IFT74: variants seen among roughly 807,000 people sequenced by gnomAD.
The protein encoded by IFT74 is intraflagellar transport protein 74 homolog.
Under a neutral mutation model 96.7 loss-of-function variants are expected in IFT74, and 92 were observed. The ratio of observed to expected loss-of-function variants is 0.95; its 90% CI spans 0.80 to 1.13. The LOEUF (loss-of-function observed/expected upper bound fraction) is 1.13, where lower values mean the gene tolerates loss of function less well. IFT74 is among the 50% of genes most tolerant of loss of function. IFT74 has a pLI of 0.00. For synonymous variants in IFT74, 223 were observed against 213.2 expected, an observed-to-expected ratio of 1.05 and a Z score of -0.40; for missense variants, 811 against 698.2, an observed-to-expected ratio of 1.16 and a Z score of -1.82.
chr9:26,982,258 C>T (rs999208220), intron 4 of IFT74: 2 of 310,668 alleles, frequency 6.4e-6, no homozygotes, highest in African/African-American at 3.1e-5. Context: ...TTAATTAATT[C>T]ATAAGCTTTT....
intron 1 of IFT74, among the ~76,000 whole-genome samples, chr9:26,958,889 G>T (rs907451023): frequency 6.6e-6 from 1 of 152,106 alleles, no homozygotes; most frequent in Non-Finnish European, 1.5e-5. Flanking sequence ...TCTATATAAG[G>T]ACAGATCAAG....
At chr9:26,970,745 C>T (rs1458690597) in intron 2 of IFT74, among the ~76,000 whole-genome samples, 1 of 152,232 alleles carries the variant, frequency 6.6e-6, no homozygotes, top group South Asian at 2.1e-4. Context: ...CCAACACATT[C>T]TCTAGAATTA....
At chr9:27,023,343 A>G (rs1433985367) in intron 12 of IFT74, among the ~76,000 whole-genome samples, 1 of 152,088 alleles carries the variant, frequency 6.6e-6, no homozygotes, top group East Asian at 1.9e-4. Context: ...TTCTGTGCTG[A>G]TTTTGCTGAG....
intron 1 of IFT74, among the ~76,000 whole-genome samples, chr9:26,958,420 G>A (rs1183790236): frequency 2.6e-5 from 4 of 152,222 alleles, no homozygotes; most frequent in Non-Finnish European, 5.9e-5. Flanking sequence ...GACCACTTAA[G>A]AGGCTGGTAT....
At chr9:27,034,888 G>C (rs1819097391) in intron 13 of IFT74, among the ~76,000 whole-genome samples, 1 of 152,170 alleles carries the variant, frequency 6.6e-6, no homozygotes, top group South Asian at 2.1e-4. Flanking sequence ...TCAAATCCAG[G>C]CTGTGCTGTT....
intron 10 of IFT74, among the ~76,000 whole-genome samples, chr9:27,014,887 G>A (rs904248578): frequency 6.6e-6 from 1 of 152,342 alleles, no homozygotes; most frequent in South Asian, 2.1e-4. Flanking sequence ...GATTACAGGC[G>A]TGAGCTATCA....
At chr9:26,993,431 G>A (rs554673380) in intron 8 of IFT74, 1 of 152,524 alleles carries the variant, frequency 6.6e-6, no homozygotes, top group African/African-American at 2.4e-5. Flanking sequence ...TATATCCTTT[G>A]TTGAAAACAT....
chr9:26,980,861 A>T (rs1415554986), intron 4 of IFT74, among the ~76,000 whole-genome samples: 1 of 152,240 alleles, frequency 6.6e-6, no homozygotes, highest in Non-Finnish European at 1.5e-5. Flanking sequence ...ATTTGCATGT[A>T]CATGAGCTAT....
rs1829740372 is a variant in IFT74 at position 27,024,097 on chromosome 9, C to T, written c.975-4928C>T. 2.0e-5 allele frequency among the ~76,000 whole-genome samples: 3 copies of T among 152,314 alleles called. No homozygotes were observed. The South Asian group carries it at 6.2e-4, about 32-fold the overall frequency. On this transcript the variant is annotated intron_variant, in intron 12 of 19. Coordinates refer to ENST00000380062, the MANE Select transcript of IFT74 (RefSeq NM_025103.4). ...AGCAATTCATAACAGAACAATCCTG[C>T]TCCAAGGGAAGGAGAAAACAACAGC...
intron 13 of IFT74, among the ~76,000 whole-genome samples, chr9:27,040,985 G>A (rs1166237963): frequency 6.6e-6 from 1 of 152,140 alleles, no homozygotes; most frequent in East Asian, 1.9e-4. Flanking sequence ...TATTGGCAGT[G>A]CAAGAAGAGC....
intron 1 of IFT74, among the ~76,000 whole-genome samples, chr9:26,949,699 C>G (rs1375012654): frequency 6.6e-6 from 1 of 152,074 alleles, no homozygotes; most frequent in Non-Finnish European, 1.5e-5. Flanking sequence ...AATCCACCTC[C>G]AAGAATGTAG....
Position 26,977,098 on chromosome 9 carries a change from A to G in IFT74, c.121-1030A>G, listed in dbSNP as rs544345917. 1.6e-4 allele frequency among the ~76,000 whole-genome samples: 25 copies of G among 152,326 alleles called. No individual in the cohort carries two copies. The South Asian group carries it at 3.9e-3, about 24-fold the overall frequency. On this transcript the variant is annotated intron_variant, in intron 2 of 19. Transcript: ENST00000380062. ...ATCAACTATAATATCATTATCGATCATCATTACTATTTTTTCACATAGTTT... is the reference window on the plus strand; with the variant it reads ...ATCAACTATAATATCATTATCGATCGTCATTACTATTTTTTCACATAGTTT...
intron 1 of IFT74, chr9:26,947,273 C>T (rs1040074408): frequency 1.8e-6 from 1 of 542,764 alleles, no homozygotes; most frequent in Admixed American, 3.8e-5. Flanking sequence ...TCATCGGCCT[C>T]AGCCCTCCAT....
At chr9:26,975,015 G>A (rs1827048066) in intron 2 of IFT74, among the ~76,000 whole-genome samples, 1 of 152,116 alleles carries the variant, frequency 6.6e-6, no homozygotes, top group African/African-American at 2.4e-5. Context: ...GTCCTTTCAG[G>A]GAGGGGTACT....
intron 10 of IFT74, among the ~76,000 whole-genome samples, chr9:27,013,721 G>C (rs1829217357): frequency 6.6e-6 from 1 of 151,582 alleles, no homozygotes; most frequent in Non-Finnish European, 1.5e-5. Context: ...TCATATTTTT[G>C]GCGTTTCAGT....
At chr9:27,003,597 A>C (rs1056222393) in intron 8 of IFT74, among the ~76,000 whole-genome samples, 3 of 152,054 alleles carry the variant, frequency 2.0e-5, no homozygotes, top group Admixed American at 1.3e-4. Flanking sequence ...CCTCGTTAGC[A>C]ATAAGGAATT....
chr9:27,011,556 G>C (rs1189352596), intron 9 of IFT74, among the ~76,000 whole-genome samples: 1 of 151,248 alleles, frequency 6.6e-6, no homozygotes, highest in African/African-American at 2.4e-5. Flanking sequence ...GACATAATTT[G>C]AAAGCTTCTG....
intron 16 of IFT74, among the ~76,000 whole-genome samples, chr9:27,048,525 T>C (rs1819793489): frequency 1.3e-5 from 2 of 152,190 alleles, no homozygotes; most frequent in South Asian, 4.1e-4. Context: ...TAAACAAAGC[T>C]GGATGCATGT....
rs551774077 is a variant in IFT74, at chr9:27,015,509, C to T, written c.790-1398C>T. Among the ~76,000 whole-genome samples the T allele has an allele frequency of 1.3e-4, 20 of 152,138 alleles. No individual in the cohort carries two copies. In the East Asian group the frequency reaches 2.5e-3, roughly 19 times the overall value. On this transcript the variant is annotated intron_variant, in intron 10 of 19. Transcript: ENST00000380062. ...AAAATTAGCTGGGCGTGGTGGCAGG[C>T]GCCTATAATCCCAGCTACTTGGGAG...
Sources: gnomAD v4.1 joint callset for allele counts (sites outside exome capture counted in the v4.1 genomes callset) on GRCh38, gnomAD v4.1.1 for gene constraint, MANE v1.5 for transcripts, NCBI Gene and HGNC (gene_info 2026-07-23, HGNC 2026-07-21) for gene names.